The following DOCK3 variants were observed in gnomAD, a reference collection of about 807,000 sequenced individuals.
The protein encoded by DOCK3 is dedicator of cytokinesis 3.
Under a neutral mutation model 265.6 loss-of-function variants are expected in DOCK3, and 60 were observed. That is an observed-to-expected ratio of 0.23 (90% CI 0.18 to 0.28). DOCK3 has a LOEUF of 0.28. DOCK3 is among the 10% of genes least tolerant of loss of function. DOCK3 has a pLI of 1.00. For missense variants in DOCK3, 1,981 were observed against 2,594.3 expected (o/e 0.76, Z 5.14); for synonymous variants, 881 against 938.0 (o/e 0.94, Z 1.11).
At chr3:51,249,691 G>T (rs2079087431) in intron 22 of DOCK3, among the ~76,000 whole-genome samples, 3 of 129,042 alleles carry the variant, frequency 2.3e-5, no homozygotes, top group East Asian at 2.5e-4. Flanking sequence ...CCCCGTCCGG[G>T]AGGTGAGGGG....
intron 9 of DOCK3, among the ~76,000 whole-genome samples, chr3:51,137,234 T>C (rs1268060428): frequency 1.3e-5 from 2 of 152,200 alleles, no homozygotes; most frequent in Non-Finnish European, 2.9e-5. Context: ...ATATTAGATA[T>C]TTCCTACTCT....
intron 3 of DOCK3, among the ~76,000 whole-genome samples, chr3:50,867,635 G>T (rs2047211099): frequency 6.7e-6 from 1 of 149,006 alleles, no homozygotes; most frequent in African/African-American, 2.5e-5. Context: ...TTTTTATCAT[G>T]AAGGGATTTT....
intron 4 of DOCK3, among the ~76,000 whole-genome samples, chr3:50,908,197 C>CTTTTTTTT (rs550837883): frequency 8.7e-6 from 1 of 114,430 alleles, no homozygotes; most frequent in Non-Finnish European, 1.8e-5. Context: ...TTTTGAAGGG[C>CTTTTTTTT]TTTTTTTTTT....
At chr3:50,678,282 C>G (rs1022225122) in intron 1 of DOCK3, among the ~76,000 whole-genome samples, 1 of 152,096 alleles carries the variant, frequency 6.6e-6, no homozygotes, top group African/African-American at 2.4e-5. Flanking sequence ...GCCATGAATG[C>G]TTGGAAAGTC....
At chr3:50,929,339 G>A (rs1161788986) in intron 4 of DOCK3, among the ~76,000 whole-genome samples, 1 of 152,196 alleles carries the variant, frequency 6.6e-6, no homozygotes, top group Non-Finnish European at 1.5e-5. Context: ...CACTGGGGCT[G>A]TGGTAGATTC....
chr3:51,198,413 G>A (rs1056446502), intron 12 of DOCK3, among the ~76,000 whole-genome samples: 17 of 152,210 alleles, frequency 1.1e-4, no homozygotes, highest in African/African-American at 3.4e-4. Flanking sequence ...TCATTTTCCC[G>A]CTTCCAGGAT....
chr3:51,206,504 G>A (rs1369800837), intron 12 of DOCK3, among the ~76,000 whole-genome samples: 1 of 151,864 alleles, frequency 6.6e-6, no homozygotes, highest in Non-Finnish European at 1.5e-5. Flanking sequence ...TGAGAATGGA[G>A]AATAATAGAG....
chr3:51,235,813 A>G (rs941711903), intron 19 of DOCK3, among the ~76,000 whole-genome samples: 5 of 152,206 alleles, frequency 3.3e-5, no homozygotes, highest in Admixed American at 2.6e-4. Context: ...GACAGCCCTC[A>G]TTGACTGCAT....
At chr3:51,170,506 T>C (rs1406768567) in intron 12 of DOCK3, among the ~76,000 whole-genome samples, 2 of 152,156 alleles carry the variant, frequency 1.3e-5, no homozygotes, top group Non-Finnish European at 2.9e-5. Context: ...TTTTCTTAGG[T>C]TATCTAATTT....
Position 50,925,924 on chromosome 3 carries a change from C to G in DOCK3, c.219-8057C>G, listed in dbSNP as rs60898829. 3.6e-3 allele frequency among the ~76,000 whole-genome samples: 537 copies of G among 150,240 alleles called. 7 individuals are homozygous for G. The highest frequency in any genetic ancestry group is 0.019 in the East Asian group (97 of 5,100). On this transcript the variant is annotated intron_variant, in intron 4 of 52. Transcript: ENST00000266037. ...TTGGCTTACTGCTACCTCTGCCTCC[C>G]GGGTTCAAGTGATTCTCCTGCCTCA...
At chr3:51,156,918 T>C (rs894189466) in intron 10 of DOCK3, among the ~76,000 whole-genome samples, 1 of 152,220 alleles carries the variant, frequency 6.6e-6, no homozygotes, top group African/African-American at 2.4e-5. Context: ...CATTTCTATA[T>C]CCTTCAGTAA....
At chr3:50,936,870 A>G (rs191546788) in intron 5 of DOCK3, among the ~76,000 whole-genome samples, 63 of 152,334 alleles carry the variant, frequency 4.1e-4, no homozygotes, top group African/African-American at 1.5e-3. Context: ...GAATGAAGAA[A>G]GCAATGGAAA....
chr3:50,795,237 AC>A (rs1391921411), intron 2 of DOCK3, among the ~76,000 whole-genome samples: 1 of 152,276 alleles, frequency 6.6e-6, no homozygotes, highest in African/African-American at 2.4e-5. Context: ...GAAGTATGTT[AC>A]TGGGGTTCTC....
chr3:50,695,726 C>T (rs2035574643), intron 1 of DOCK3, among the ~76,000 whole-genome samples: 1 of 152,252 alleles, frequency 6.6e-6, no homozygotes, highest in African/African-American at 2.4e-5. Context: ...TGGTGGGTAT[C>T]TCGCTTGGTC....
intron 2 of DOCK3, among the ~76,000 whole-genome samples, chr3:50,779,383 GTTTA>G (rs1312248344): frequency 2.0e-5 from 3 of 151,944 alleles, no homozygotes; most frequent in Non-Finnish European, 4.4e-5. Context: ...TTTAATTTTT[GTTTA>G]TTTATTTTTT....
intron 2 of DOCK3, 61 bp downstream of exon 2, chr3:50,778,819 T>C: frequency 1.7e-6 from 2 of 1,147,762 alleles, no homozygotes; most frequent in Non-Finnish European, 2.5e-6. Flanking sequence ...TATATACATT[T>C]ATTTTGTGCT....
At chr3:51,197,083 G>A (rs540644507) in intron 12 of DOCK3, among the ~76,000 whole-genome samples, 4 of 152,302 alleles carry the variant, frequency 2.6e-5, no homozygotes, top group Non-Finnish European at 5.9e-5. Flanking sequence ...TTTGACTCTG[G>A]TGTGTGCAGT....
At chr3:51,058,522 T>A (rs1426905211) in intron 5 of DOCK3, among the ~76,000 whole-genome samples, 4 of 152,242 alleles carry the variant, frequency 2.6e-5, no homozygotes, top group Non-Finnish European at 5.9e-5. Flanking sequence ...TGTGCATTTA[T>A]GTATGTATTA....
rs2086735526 is a variant in DOCK3 at position 51,361,601 on chromosome 3, G to T, written c.5007-258G>T. On this transcript the variant is annotated intron_variant, in intron 47 of 52. Coordinates refer to ENST00000266037, the MANE Select transcript of DOCK3 (RefSeq NM_004947.5). The surrounding 1 kb of genome is among the most constrained non-coding windows in gnomAD (Gnocchi z 4.2). ...AACTGCTAATGTCATGCAACTGAGT[G>T]GCCATAAGCCATGTAGCTGTAGGTA... 6.6e-6 allele frequency among the ~76,000 whole-genome samples: 1 copy of T among 152,102 alleles called. No individual in the cohort carries two copies. The highest frequency in any genetic ancestry group is 1.5e-5 in the Non-Finnish European group (1 of 68,002).
Sources: allele counts gnomAD v4.1 joint callset (sites outside exome capture counted in the v4.1 genomes callset), GRCh38; gene constraint gnomAD v4.1.1; non-coding constraint Gnocchi (gnomAD v3.1); transcripts MANE v1.5; gene names NCBI Gene and HGNC (gene_info 2026-07-23, HGNC 2026-07-21).